The following FCAMR variants were observed in gnomAD, a reference collection of about 807,000 sequenced individuals.
The protein encoded by FCAMR is high affinity immunoglobulin alpha and immunoglobulin mu Fc receptor.
In FCAMR, 51 loss-of-function variants were observed where a neutral mutation model predicts 52.2. The observed-to-expected ratio is 0.98, with a 90% confidence interval of 0.78 to 1.23. The LOEUF is 1.23. FCAMR is among the 50% of genes most tolerant of loss of function. The pLI is 0.00. For missense variants in FCAMR, 719 were observed against 712.6 expected, an observed-to-expected ratio of 1.01 and a Z score of -0.10; for synonymous variants, 282 against 262.0, an observed-to-expected ratio of 1.08 and a Z score of -0.74.
Position 206,960,697 on chromosome 1 carries a change from T to C in FCAMR, c.1179A>G (p.Gln393=), listed in dbSNP as rs114889196. Residue 393 remains glutamine (Q), a synonymous_variant, in exon 6 of 8, where the codon CAA becomes CAG. Coordinates refer to ENST00000324852, the MANE Select transcript of FCAMR (RefSeq NM_001170631.2). ...SETLAWEILP[Q]ATPVSKQQSQ... is the part of the protein sequence containing the mutation. ...ATTGTTGCTTAGAAACTGGCGTTGC[T>C]TGTGGGAGGATTTCCCAGGCCAAAG... is the stretch of plus-strand genomic sequence containing the variant. 5.3e-4 allele frequency: 825 copies of C among 1,552,268 alleles called. 8 individuals are homozygous for C. The African/African-American group carries it at 8.1e-3, about 15-fold the overall frequency.
At position 206,961,064 on chromosome 1, in the gene FCAMR, G is replaced by A; in HGVS notation, c.812C>T (p.Thr271Ile). The A allele has an allele frequency of 1.9e-6, 3 of 1,551,900 alleles. No homozygotes were observed. The highest frequency in any genetic ancestry group is 2.6e-6 in the Non-Finnish European group (3 of 1,147,048). The part of the protein sequence containing the change: ...AWDTVASTPG[T>I]SKTTASAEGR... ...CTCAGCTGAAGCTGTAGTCTTGCTGGTTCCTGGAGTGGAAGCAACTGTGTC... is the reference window on the plus strand; with the variant it reads ...CTCAGCTGAAGCTGTAGTCTTGCTGATTCCTGGAGTGGAAGCAACTGTGTC... Residue 271 changes from threonine (T) to isoleucine (I), a missense_variant, in exon 6 of 8, where the codon ACC becomes ATC. Physicochemically the swap from Thr to Ile is moderately conservative, Grantham distance 89 (BLOSUM62 -1). Transcript: ENST00000324852.
At chr1:206,962,759 T>C (rs1273800019) in intron 4 of FCAMR, among the ~76,000 whole-genome samples, 1 of 152,214 alleles carries the variant, frequency 6.6e-6, no homozygotes, top group Non-Finnish European at 1.5e-5. Flanking sequence ...AATGTAATCA[T>C]AATCTTACCC....
In FCAMR at chr1:206,959,582, T is replaced by A. The variant is rs766096015; in HGVS notation, c.1573+97A>T. ...CAGCCTAGAATTTAGCTCTTCTACATTGAAAAGTCCTGGCAGGACTCTACC... is the reference window on the plus strand; with the variant it reads ...CAGCCTAGAATTTAGCTCTTCTACAATGAAAAGTCCTGGCAGGACTCTACC... On this transcript the variant is annotated intron_variant, in intron 7 of 7. Transcript: ENST00000324852. 4 of 893,582 alleles carry A rather than the reference T, an allele frequency of 4.5e-6. No homozygotes were observed. The East Asian group carries it at 9.7e-5, about 22-fold the overall frequency. The allele number at this position is 893,582 out of a possible 1,614,324, so 55.4% of individuals were successfully genotyped here.
chr1:206,970,415 T>A lies in FCAMR; in HGVS notation c.-290A>T. The stretch of plus-strand genomic sequence containing the variant: ...AGAACTTTTCCAGGAGTGGTAACAG[T>A]AGCTTCAAAAAAGAAAACACTGATC... On this transcript the variant is annotated 5_prime_UTR_variant, in exon 1 of 8. Coordinates refer to ENST00000324852, the MANE Select transcript of FCAMR (RefSeq NM_001170631.2). 2.7e-6 allele frequency: 1 copy of A among 367,130 alleles called. No individual in the cohort carries two copies. Among genetic ancestry groups the A allele is most frequent in the South Asian group, 4.2e-5 (1 of 23,748 alleles). The allele number at this position is 367,130 out of a possible 1,614,324, so 22.7% of individuals were successfully genotyped here. A position where few individuals can be genotyped will look rare whatever the true frequency, so the allele number is the denominator to read the frequency against.
At position 206,967,603 on chromosome 1, in the gene FCAMR, C is replaced by T. The variant is rs1408984784; in HGVS notation, c.88G>A (p.Gly30Ser). 3 of 1,614,018 alleles carry T rather than the reference C, an allele frequency of 1.9e-6. No individual in the cohort carries two copies. Among genetic ancestry groups the T allele is most frequent in the African/African-American group, 2.7e-5 (2 of 74,926 alleles). Residue 30 changes from glycine (G) to serine (S), a missense_variant, in exon 2 of 8, where the codon GGC (glycine) becomes AGC (serine). Gly to Ser is a moderately conservative substitution (Grantham distance 56, BLOSUM62 0). Coordinates refer to ENST00000324852, the MANE Select transcript of FCAMR (RefSeq NM_001170631.2). ...REVDYSRLIAGTLPQSHVTSR... is the reference protein window; with the variant it reads ...REVDYSRLIASTLPQSHVTSR... ...CTTACGTGAGATTGTGGTAAAGTGC[C>T]AGCAATGAGCCTGGAGTAGTCCACT...
At chr1:206,959,041 G>A (rs1680379705) in intron 7 of FCAMR, 2 of 467,730 alleles carry the variant, frequency 4.3e-6, no homozygotes, top group South Asian at 3.3e-5. Context: ...TCTGGGCCCT[G>A]CACTCCTGCT....
At chr1:206,966,918 G>C (rs2102268078) in intron 3 of FCAMR, 134 bp downstream of exon 3, 1 of 750,886 alleles carries the variant, frequency 1.3e-6, no homozygotes, top group East Asian at 2.7e-5. Context: ...CATGGAGATG[G>C]AGCCATTTGT....
In FCAMR at chr1:206,959,598, G is replaced by A. The variant is rs374466867; in HGVS notation, c.1573+81C>T. On this transcript the variant is annotated intron_variant, in intron 7 of 7. Coordinates refer to ENST00000324852, the MANE Select transcript of FCAMR (RefSeq NM_001170631.2). ...TCTTCTACATTGAAAAGTCCTGGCA[G>A]GACTCTACCCCTACCCAGCCCTGAG... 3.7e-6 allele frequency: 4 copies of A among 1,094,850 alleles called. No individual in the cohort carries two copies. The African/African-American group carries it at 4.6e-5, about 13-fold the overall frequency. The allele number at this position is 1,094,850 out of a possible 1,614,324, so 67.8% of individuals were successfully genotyped here. A position where few individuals can be genotyped will look rare whatever the true frequency, so the allele number is the denominator to read the frequency against.
At chr1:206,968,832 C>T (rs1347069756) in intron 1 of FCAMR, among the ~76,000 whole-genome samples, 2 of 152,166 alleles carry the variant, frequency 1.3e-5, no homozygotes, top group African/African-American at 2.4e-5. Context: ...TGTTTTCCTG[C>T]AACTAGACTT....
At chr1:206,965,033 C>T (rs1371499309) in intron 4 of FCAMR, among the ~76,000 whole-genome samples, 1 of 152,152 alleles carries the variant, frequency 6.6e-6, no homozygotes, top group Admixed American at 6.5e-5. Flanking sequence ...TGTGCTGATA[C>T]TCACTGTACG....
intron 5 of FCAMR, 146 bp from the exon 6 acceptor site, chr1:206,961,369 T>TA (rs1416645049): frequency 1.6e-6 from 1 of 643,006 alleles, no homozygotes; most frequent in East Asian, 2.8e-5. Flanking sequence ...TTGGATAAAA[T>TA]AAAAAATAGG....
rs1680471416 is a variant in FCAMR, at chr1:206,960,639, C to A, written c.1237G>T (p.Ala413Ser). Residue 413 changes from alanine (A) to serine (S), a missense_variant, in exon 6 of 8, where the codon GCA becomes TCA. Physicochemically the swap from Ala to Ser is moderately conservative, Grantham distance 99. Transcript: ENST00000324852. Reference sequence around the variant, plus strand: ...GGAGTTCCCAAGGTCCACATGCCTGCAGCTGGAGTTGTTTCTCCAATGGAA... The same window carrying A: ...GGAGTTCCCAAGGTCCACATGCCTGAAGCTGGAGTTGTTTCTCCAATGGAA... ...QGSIGETTPAAGMWTLGTPAA... is the reference protein window; with the variant it reads ...QGSIGETTPASGMWTLGTPAA... 6.4e-7 allele frequency: 1 copy of A among 1,551,948 alleles called. No homozygotes were observed. The highest frequency in any genetic ancestry group is 1.4e-5 in the African/African-American group (1 of 73,188).
chr1:206,960,413 TG>T lies in FCAMR; in HGVS notation c.1454+8del. On this transcript the variant is annotated splice_region_variant and intron_variant, in intron 6 of 7. Transcript: ENST00000324852. ...GGCCCCCCAACCGGGAGAAGGTGCC[TG>T]GGGTTACCGCTTCACGGAGGACTCC... 6.8e-7 allele frequency: 1 copy of T among 1,476,138 alleles called. No homozygotes were observed. Among genetic ancestry groups the T allele is most frequent in the East Asian group, 2.5e-5 (1 of 40,448 alleles). The allele number at this position is 1,476,138 out of a possible 1,614,324, so 91.4% of individuals were successfully genotyped here. A position where few individuals can be genotyped will look rare whatever the true frequency, so the allele number is the denominator to read the frequency against.
At chr1:206,961,520 G>A (rs1412647226) in intron 5 of FCAMR, among the ~76,000 whole-genome samples, 1 of 152,126 alleles carries the variant, frequency 6.6e-6, no homozygotes, top group East Asian at 1.9e-4. Flanking sequence ...TTCTCCAGAG[G>A]CCCACCGCCC....
In FCAMR at chr1:206,959,844, G is replaced by T. The variant is rs759228385; in HGVS notation, c.1455-47C>A. 3 of 1,455,248 alleles carry T rather than the reference G, an allele frequency of 2.1e-6. No individual in the cohort carries two copies. In the South Asian group the frequency reaches 3.4e-5, roughly 17 times the overall value. 90.1% of individuals were successfully genotyped at this position (1,455,248 alleles called of 1,614,324 possible). A position where few individuals can be genotyped will look rare whatever the true frequency, so the allele number is the denominator to read the frequency against. ...CACAGGGGAGAGGAGGTTGGAGCTG[G>T]GCAGAAGATTAAAGACCATTTACCC... On this transcript the variant is annotated intron_variant, in intron 6 of 7. Coordinates refer to ENST00000324852, the MANE Select transcript of FCAMR (RefSeq NM_001170631.2).
rs776501220 is a variant in FCAMR, at chr1:206,965,874, G to A, written c.170-16C>T. On this transcript the variant is annotated splice_polypyrimidine_tract_variant and intron_variant, in intron 3 of 7. Coordinates refer to ENST00000324852, the MANE Select transcript of FCAMR (RefSeq NM_001170631.2). Reference sequence around the variant, plus strand: ...AAAGAAGAACCTGCAGCAAAGGAAGGAGATGGGTCATCAGGGGGCCATCCA... The same window carrying A: ...AAAGAAGAACCTGCAGCAAAGGAAGAAGATGGGTCATCAGGGGGCCATCCA... The A allele has an allele frequency of 7.5e-6, 12 of 1,608,270 alleles. No individual in the cohort carries two copies. The highest frequency in any genetic ancestry group is 9.3e-6 in the Non-Finnish European group (11 of 1,177,608).
chr1:206,961,660 G>A (rs1680513008), intron 5 of FCAMR, among the ~76,000 whole-genome samples: 1 of 152,262 alleles, frequency 6.6e-6, no homozygotes, highest in Non-Finnish European at 1.5e-5. Context: ...CTGTCATGCT[G>A]TCTCCTCTGC....
At chr1:206,968,995 AGCTTGGGCACT>A (rs1680824878) in intron 1 of FCAMR, among the ~76,000 whole-genome samples, 1 of 152,152 alleles carries the variant, frequency 6.6e-6, no homozygotes, top group Non-Finnish European at 1.5e-5. Flanking sequence ...CAAGTCCCCT[AGCTTGGGCACT>A]GCGATGGCAG....
At chr1:206,969,971 A>C in intron 1 of FCAMR, 116 bp downstream of exon 1, 1 of 1,278,074 alleles carries the variant, frequency 7.8e-7, no homozygotes. Flanking sequence ...CCTCCTGGGA[A>C]GGAGCCCACC....
Sources: gnomAD v4.1 joint callset for allele counts (sites outside exome capture counted in the v4.1 genomes callset) on GRCh38, gnomAD v4.1.1 for gene constraint, MANE v1.5 for transcripts, NCBI Gene and HGNC (gene_info 2026-07-23, HGNC 2026-07-21) for gene names.